TEX2: variants seen among roughly 807,000 people sequenced by gnomAD.
TEX2 encodes the protein testis expressed 2.
TEX2 carries 53 observed loss-of-function variants against 106.9 expected under a neutral mutation model. That is an observed-to-expected ratio of 0.50 (90% confidence interval 0.40 to 0.62). The LOEUF is 0.62. TEX2 is among the 20% of genes least tolerant of loss of function. The pLI is 0.00. For missense variants in TEX2, 1,207 were observed against 1,379.0 expected (o/e 0.88, Z 1.98); for synonymous variants, 523 against 534.8 (o/e 0.98, Z 0.30).
At chr17:64,240,245 G>GTC (rs1330264558) in intron 1 of TEX2, among the ~76,000 whole-genome samples, 1 of 150,130 alleles carries the variant, frequency 6.7e-6, no homozygotes, top group Non-Finnish European at 1.5e-5. Flanking sequence ...GTGTGTGTGT[G>GTC]TGTGTGTGTG....
chr17:64,228,290 G>A (rs556388564), intron 1 of TEX2, among the ~76,000 whole-genome samples: 14 of 152,290 alleles, frequency 9.2e-5, no homozygotes, highest in South Asian at 2.1e-4. Flanking sequence ...CAGAGGCAGC[G>A]GGGTATGGTT....
intron 3 of TEX2, 152 bp downstream of exon 3, chr17:64,194,743 T>C (rs1189902273): frequency 5.9e-6 from 4 of 682,626 alleles, no homozygotes; most frequent in African/African-American, 1.8e-5. Context: ...GTGATGTGCA[T>C]AAACTTTAAA....
chr17:64,195,771 T>C lies in TEX2; in HGVS notation c.1645-676A>G, dbSNP rs1306161322. 6.6e-6 allele frequency among the ~76,000 whole-genome samples: 1 copy of C among 152,232 alleles called. No homozygotes were observed. Among genetic ancestry groups the C allele is most frequent in the Admixed American group, 6.5e-5 (1 of 15,286 alleles). On this transcript the variant is annotated intron_variant, in intron 2 of 11. Coordinates refer to ENST00000584379, the MANE Select transcript of TEX2 (RefSeq NM_001288732.2). The surrounding 1 kb of genome is among the most constrained non-coding windows in gnomAD (Gnocchi z 4.1). Reference sequence around the variant, plus strand: ...TTTTGTGTTACATATCTTGATTTTTTAAAAGAGCCAACACTGAAATGTATG... The same window carrying C: ...TTTTGTGTTACATATCTTGATTTTTCAAAAGAGCCAACACTGAAATGTATG...
intron 6 of TEX2, among the ~76,000 whole-genome samples, chr17:64,177,043 A>C (rs2031643969): frequency 6.6e-6 from 1 of 152,230 alleles, no homozygotes; most frequent in Non-Finnish European, 1.5e-5. Flanking sequence ...CGGTTATAAG[A>C]GCTCACATTT....
Position 64,203,097 on chromosome 17 carries a change from C to T in TEX2, c.1645-8002G>A, listed in dbSNP as rs182258381. On this transcript the variant is annotated intron_variant, in intron 2 of 11. Transcript: ENST00000584379. ...TAATAAAGTCTGGAAGAACTACTACCGTGCTTTCAGTTACAGTGCCAATCA... is the reference window on the plus strand; with the variant it reads ...TAATAAAGTCTGGAAGAACTACTACTGTGCTTTCAGTTACAGTGCCAATCA... Among the ~76,000 whole-genome samples, 109 of 152,270 alleles carry T rather than the reference C, an allele frequency of 7.2e-4. 1 individual carries two copies. The East Asian group carries it at 0.011, about 16-fold the overall frequency.
intron 1 of TEX2, among the ~76,000 whole-genome samples, chr17:64,222,518 C>CA (rs11296538): frequency 1.4e-3 from 135 of 99,092 alleles, no homozygotes; most frequent in Admixed American, 1.6e-3. Context: ...TTCCAACTCA[C>CA]AAAAAAAAAA....
At chr17:64,208,096 A>G (rs2032891255) in intron 2 of TEX2, among the ~76,000 whole-genome samples, 1 of 152,176 alleles carries the variant, frequency 6.6e-6, no homozygotes, top group Non-Finnish European at 1.5e-5. Flanking sequence ...AGCACTGGTC[A>G]CAGGAGAGCA....
chr17:64,148,164 C>T lies in TEX2; in HGVS notation c.*805G>A, dbSNP rs532411055. The T allele has an allele frequency of 3.9e-5, 6 of 152,762 alleles. No individual in the cohort carries two copies. Among genetic ancestry groups the T allele is most frequent in the East Asian group, 3.8e-4 (2 of 5,196 alleles). The allele number at this position is 152,762 out of a possible 1,614,324, so 9.5% of individuals were successfully genotyped here. On this transcript the variant is annotated 3_prime_UTR_variant, in exon 12 of 12. Transcript: ENST00000584379. ...AGGAAACGCCAGATGGAAAAACTGG[C>T]TCTGGCTTTCTAACCCCATCCCATC...
intron 2 of TEX2, among the ~76,000 whole-genome samples, chr17:64,198,677 CATTT>C (rs1267859678): frequency 2.0e-5 from 3 of 152,148 alleles, no homozygotes; most frequent in Non-Finnish European, 4.4e-5. Context: ...AGATGCTCAG[CATTT>C]ATTTAATGGC....
At chr17:64,154,991 C>T (rs750387738) in intron 8 of TEX2, 24 bp from the exon 9 acceptor site, 2 of 1,542,624 alleles carry the variant, frequency 1.3e-6, no homozygotes, top group Admixed American at 1.9e-5. Flanking sequence ...GAGTCACCAC[C>T]ACTGCCTGCC....
Position 64,193,640 on chromosome 17 carries a change from C to T in TEX2, c.2095G>A (p.Glu699Lys), listed in dbSNP as rs766535813. ...GCCAGAATAAATCTCCTAAACCATTCCTCTTTTTCTCGGCCAGTTCTCCCA... is the reference window on the plus strand; with the variant it reads ...GCCAGAATAAATCTCCTAAACCATTTCTCTTTTTCTCGGCCAGTTCTCCCA... ...LFGRTGREKE[E>K]WFRRFILASK... The change falls in exon 4 of 12, where the codon GAA becomes AAA. Residue 699 changes from glutamate to lysine, a missense_variant. This residue lies in a region of TEX2 where 1,067 missense variants were observed against 1,193.6 expected (regional missense o/e 0.89). Transcript: ENST00000584379. 3 of 1,555,844 alleles carry T rather than the reference C, an allele frequency of 1.9e-6. No individual in the cohort carries two copies. In the Admixed American group the frequency reaches 5.9e-5, roughly 31 times the overall value.
At chr17:64,258,286 G>A (rs958081907) in intron 1 of TEX2, among the ~76,000 whole-genome samples, 1 of 152,058 alleles carries the variant, frequency 6.6e-6, no homozygotes. Context: ...TTTATTATAG[G>A]TATACATGCA....
At chr17:64,208,467 T>C (rs1555631101) in intron 2 of TEX2, among the ~76,000 whole-genome samples, 2 of 151,954 alleles carry the variant, frequency 1.3e-5, no homozygotes, top group Non-Finnish European at 2.9e-5. Context: ...CTTGAACTCC[T>C]GACCTCAAGC....
intron 5 of TEX2, among the ~76,000 whole-genome samples, chr17:64,182,036 A>G (rs570758033): frequency 6.6e-6 from 1 of 152,298 alleles, no homozygotes; most frequent in East Asian, 1.9e-4. Context: ...ACTGATGTTC[A>G]GAGCAGCATC....
chr17:64,244,332 C>T (rs797026861), intron 1 of TEX2, among the ~76,000 whole-genome samples: 1 of 152,132 alleles, frequency 6.6e-6, no homozygotes, highest in Non-Finnish European at 1.5e-5. Flanking sequence ...TGGACCTCAC[C>T]GCTCAAACAG....
At chr17:64,150,001 T>C (rs976160197) in intron 11 of TEX2, 4 of 152,140 alleles carry the variant, frequency 2.6e-5, no homozygotes, top group Non-Finnish European at 5.9e-5. Flanking sequence ...AAAGTACTTT[T>C]CTATTTGGTG....
intron 1 of TEX2, among the ~76,000 whole-genome samples, chr17:64,223,713 C>T (rs374714699): frequency 9.9e-5 from 11 of 110,750 alleles, no homozygotes; most frequent in South Asian, 3.1e-4. Flanking sequence ...AACAGAGCAT[C>T]TTTTTTTTTT....
chr17:64,155,139 G>A, intron 8 of TEX2, 172 bp from the exon 9 acceptor site: 1 of 756,420 alleles, frequency 1.3e-6, no homozygotes, highest in South Asian at 3.0e-5. Flanking sequence ...CCCAATCCAA[G>A]AATCCTTGGA....
At position 64,213,910 on chromosome 17, in the gene TEX2, G is replaced by A. The variant is rs782274762; in HGVS notation, c.308C>T (p.Ala103Val). The stretch of plus-strand genomic sequence containing the variant: ...CTTGGAGACGGGCAAAATGGCAGGG[G>A]CCTGGGACACGGACAGTCCATCTGC... ...VLADGLSVSQ[A>V]PAILPVSKNT... is the part of the protein sequence containing the mutation. The change falls in exon 2 of 12, where the codon GCC (alanine) becomes GTC (valine). Residue 103 changes from alanine (A) to valine (V), a missense_variant. Transcript: ENST00000584379. The surrounding 1 kb of genome is among the most constrained non-coding windows in gnomAD (Gnocchi z 4.4). The A allele has an allele frequency of 1.2e-6, 2 of 1,614,230 alleles. No homozygotes were observed. Among genetic ancestry groups the A allele is most frequent in the Non-Finnish European group, 8.5e-7 (1 of 1,180,040 alleles).
Sources: allele counts gnomAD v4.1 joint callset (sites outside exome capture counted in the v4.1 genomes callset), GRCh38; gene constraint gnomAD v4.1.1; regional missense constraint gnomAD v4.1.1; non-coding constraint Gnocchi (gnomAD v3.1); transcripts MANE v1.5; gene names NCBI Gene and HGNC (gene_info 2026-07-23, HGNC 2026-07-21).